The following GALNT17 variants were observed in gnomAD, a reference collection of about 807,000 sequenced individuals.
GALNT17 encodes the protein UDP-GalNAc:polypeptide N-acetylgalactosaminyltransferase-like 3.
Under a neutral mutation model 63.7 loss-of-function variants are expected in GALNT17, and 29 were observed. The observed-to-expected ratio is 0.46, with a 90% confidence interval of 0.34 to 0.62. The LOEUF is 0.62. GALNT17 is among the 20% of genes least tolerant of loss of function. The pLI, the probability that GALNT17 is intolerant of heterozygous loss-of-function variation, is 0.01. For synonymous variants in GALNT17, 305 were observed against 318.3 expected (o/e 0.96, Z 0.45); for missense variants, 603 against 799.6 (o/e 0.75, Z 2.97).
chr7:71,692,722 T>G (rs887604933), intron 9 of GALNT17, among the ~76,000 whole-genome samples: 8 of 130,688 alleles, frequency 6.1e-5, no homozygotes, highest in African/African-American at 2.3e-4. Context: ...TTTTTAATTT[T>G]TTTATTTTTA....
chr7:71,569,298 A>G (rs751357195), intron 5 of GALNT17, among the ~76,000 whole-genome samples: 2 of 152,110 alleles, frequency 1.3e-5, no homozygotes, highest in Non-Finnish European at 1.5e-5. Context: ...AATTTTGGAT[A>G]CAAGAGGTAC....
chr7:71,147,687 A>T (rs9638287), intron 1 of GALNT17, among the ~76,000 whole-genome samples: 11 of 151,528 alleles, frequency 7.3e-5, no homozygotes, highest in Admixed American at 7.2e-4. Flanking sequence ...GCTGGAGTGC[A>T]GTGGCATGAT....
At chr7:71,260,397 C>A (rs530687252) in intron 1 of GALNT17, among the ~76,000 whole-genome samples, 1 of 152,312 alleles carries the variant, frequency 6.6e-6, no homozygotes, top group African/African-American at 2.4e-5. Flanking sequence ...GCTGGGCCGA[C>A]TGAAACACAC....
chr7:71,397,087 A>C (rs1180624053), intron 3 of GALNT17, among the ~76,000 whole-genome samples: 1 of 152,070 alleles, frequency 6.6e-6, no homozygotes, highest in Non-Finnish European at 1.5e-5. Context: ...ATTACTTTCC[A>C]ATCTGGATAC....
At position 71,712,076 on chromosome 7, in the gene GALNT17, T is replaced by C. The variant is rs769131714; in HGVS notation, c.1727T>C (p.Leu576Pro). 7.4e-6 allele frequency: 12 copies of C among 1,614,066 alleles called. No individual in the cohort carries two copies. Among genetic ancestry groups the C allele is most frequent in the Non-Finnish European group, 1.0e-5 (12 of 1,179,970 alleles). Residue 576 changes from leucine to proline, a missense_variant, in exon 11 of 11, where the codon CTG becomes CCG. By Grantham distance (98) the Leu-to-Pro change is moderately conservative. Around this residue, in one of 3 missense-constraint regions of GALNT17, gnomAD observed 72 missense variants for 76.9 expected, o/e 0.94. Coordinates refer to ENST00000333538, the MANE Select transcript of GALNT17 (RefSeq NM_022479.3). ...TGCCTGGAGGTGGAGAACCGGGGCCTGGCTGGCATCGACCTCATCCTCCGC... is the reference window on the plus strand; with the variant it reads ...TGCCTGGAGGTGGAGAACCGGGGCCCGGCTGGCATCGACCTCATCCTCCGC... ...GRCLEVENRGLAGIDLILRSC... is the reference protein window; with the variant it reads ...GRCLEVENRGPAGIDLILRSC...
chr7:71,385,431 G>C (rs1792924861), intron 2 of GALNT17, among the ~76,000 whole-genome samples: 1 of 152,226 alleles, frequency 6.6e-6, no homozygotes, highest in South Asian at 2.1e-4. Flanking sequence ...TTGGTGCACA[G>C]TGGCTGAAGT....
chr7:71,276,816 G>T (rs958855861), intron 1 of GALNT17, among the ~76,000 whole-genome samples: 4 of 151,998 alleles, frequency 2.6e-5, no homozygotes, highest in Admixed American at 2.6e-4. Context: ...TGGCCAACAT[G>T]GTGAAACCCC....
chr7:71,567,279 C>T (rs943127242), intron 5 of GALNT17, among the ~76,000 whole-genome samples: 9 of 152,158 alleles, frequency 5.9e-5, no homozygotes, highest in Non-Finnish European at 1.2e-4. Context: ...GAACCTGCTA[C>T]ACCAGCAGGA....
chr7:71,324,852 G>T (rs1185772080), intron 1 of GALNT17, among the ~76,000 whole-genome samples: 2 of 152,090 alleles, frequency 1.3e-5, no homozygotes, highest in African/African-American at 4.8e-5. Context: ...TAATTGAAGT[G>T]CTTATTATAG....
intron 9 of GALNT17, among the ~76,000 whole-genome samples, chr7:71,698,880 C>T (rs1791583644): frequency 6.6e-6 from 1 of 151,974 alleles, no homozygotes; most frequent in African/African-American, 2.4e-5. Context: ...CATAAAAAAC[C>T]TCAGGAGAGC....
At chr7:71,259,638 G>GTT (rs1219751607) in intron 1 of GALNT17, among the ~76,000 whole-genome samples, 4,675 of 137,162 alleles carry the variant, frequency 0.034, 361 homozygotes, top group African/African-American at 0.13. Context: ...TTTGTTTTTT[G>GTT]TTTTTTTGTT....
chr7:71,280,919 C>T (rs1298853756), intron 1 of GALNT17, among the ~76,000 whole-genome samples: 1 of 152,082 alleles, frequency 6.6e-6, no homozygotes, highest in Non-Finnish European at 1.5e-5. Flanking sequence ...GGTTGGGGTT[C>T]ACACAGAGAA....
intron 2 of GALNT17, among the ~76,000 whole-genome samples, chr7:71,368,955 A>T (rs1792565953): frequency 6.6e-6 from 1 of 151,650 alleles, no homozygotes; most frequent in Non-Finnish European, 1.5e-5. Context: ...AGCTTTTACC[A>T]CTGAGATGAA....
intron 5 of GALNT17, among the ~76,000 whole-genome samples, chr7:71,562,479 C>G (rs1156799975): frequency 6.6e-6 from 1 of 152,184 alleles, no homozygotes; most frequent in African/African-American, 2.4e-5. Context: ...ACTAGAGGGT[C>G]CCATCTGGGG....
intron 5 of GALNT17, among the ~76,000 whole-genome samples, chr7:71,536,962 T>C (rs1409802825): frequency 1.3e-5 from 2 of 152,136 alleles, no homozygotes; most frequent in Non-Finnish European, 2.9e-5. Context: ...AGTCACTCTG[T>C]ATGCCCTGAA....
At chr7:71,445,398 T>A (rs1398950632) in intron 5 of GALNT17, among the ~76,000 whole-genome samples, 2 of 151,492 alleles carry the variant, frequency 1.3e-5, no homozygotes, top group Non-Finnish European at 2.9e-5. Flanking sequence ...GGTTTTGCCA[T>A]GTTGGCCAGG....
chr7:71,250,606 A>G (rs1475693484), intron 1 of GALNT17, among the ~76,000 whole-genome samples: 1 of 152,170 alleles, frequency 6.6e-6, no homozygotes, highest in Non-Finnish European at 1.5e-5. Flanking sequence ...TTCCATCAGG[A>G]GGCACCCTAG....
chr7:71,553,900 A>G (rs1237977172), intron 5 of GALNT17, among the ~76,000 whole-genome samples: 1 of 152,140 alleles, frequency 6.6e-6, no homozygotes, highest in Non-Finnish European at 1.5e-5. Flanking sequence ...TTTCCTCTTA[A>G]ATAGTGCCTG....
chr7:71,670,702 C>T (rs1443433508), intron 8 of GALNT17, among the ~76,000 whole-genome samples: 7 of 152,176 alleles, frequency 4.6e-5, no homozygotes, highest in African/African-American at 1.7e-4. Flanking sequence ...AAATTAATTT[C>T]ACCTTCACCT....
Sources: gnomAD v4.1 joint callset for allele counts (sites outside exome capture counted in the v4.1 genomes callset) on GRCh38, gnomAD v4.1.1 for gene constraint, gnomAD v4.1.1 regional missense constraint, MANE v1.5 for transcripts, NCBI Gene and HGNC (gene_info 2026-07-23, HGNC 2026-07-21) for gene names.